CADM2: variants seen among roughly 807,000 people sequenced by gnomAD.
The protein encoded by CADM2 is cell adhesion molecule 2.
CADM2 carries 12 observed loss-of-function variants against 49.8 expected under a neutral mutation model. The observed-to-expected ratio is 0.24, with a 90% CI of 0.15 to 0.39. CADM2 has a LOEUF of 0.39. CADM2 is among the 10% of genes least tolerant of loss of function. The probability of loss-of-function intolerance (pLI) is 1.00; values close to 1 mark genes in which losing one functional copy is unlikely to be tolerated. For synonymous variants in CADM2, 214 were observed against 175.4 expected, an observed-to-expected ratio of 1.22 and a Z score of -1.74; for missense variants, 378 against 492.3, an observed-to-expected ratio of 0.77 and a Z score of 2.20.
At chr3:85,934,360 C>T (rs1484625596) in intron 6 of CADM2, among the ~76,000 whole-genome samples, 1 of 151,866 alleles carries the variant, frequency 6.6e-6, no homozygotes, top group Non-Finnish European at 1.5e-5. Context: ...ATAACTGATT[C>T]CATAGATGTG....
At chr3:85,187,415 C>T (rs886107751) in intron 1 of CADM2, among the ~76,000 whole-genome samples, 2 of 151,928 alleles carry the variant, frequency 1.3e-5, no homozygotes, top group East Asian at 3.8e-4. Flanking sequence ...ATAATATCAA[C>T]TCAGATACAA....
At chr3:85,446,588 GT>G (rs1205413346) in intron 1 of CADM2, among the ~76,000 whole-genome samples, 3 of 136,556 alleles carry the variant, frequency 2.2e-5, no homozygotes, top group African/African-American at 2.5e-5. Context: ...GTGTGTGTGA[GT>G]TTTTTTTGTT....
At chr3:85,791,756 C>G (rs1210770732) in intron 2 of CADM2, among the ~76,000 whole-genome samples, 1 of 152,054 alleles carries the variant, frequency 6.6e-6, no homozygotes, top group Non-Finnish European at 1.5e-5. Context: ...CAGACTCTCA[C>G]TTTGTCACCC....
intron 1 of CADM2, among the ~76,000 whole-genome samples, chr3:85,159,584 G>A (rs1434007321): frequency 6.6e-6 from 1 of 152,166 alleles, no homozygotes; most frequent in African/African-American, 2.4e-5. Context: ...TATCTGTAGA[G>A]CAGTTAAGGA....
In CADM2 at chr3:86,068,781, C is replaced by T. The variant is rs991451926; in HGVS notation, c.*1998C>T. ...GAGTGTTAACATAATAAATCATATA[C>T]AGTATGACATTTTAAGGAAATAAGT... is the stretch of plus-strand genomic sequence containing the variant. On this transcript the variant is annotated 3_prime_UTR_variant, in exon 10 of 10. Transcript: ENST00000383699. 1 of 152,138 alleles carries T rather than the reference C, an allele frequency of 6.6e-6. No homozygotes were observed. The highest frequency in any genetic ancestry group is 2.4e-5 in the African/African-American group (1 of 41,368). The allele number at this position is 152,138 out of a possible 1,614,324, so 9.4% of individuals were successfully genotyped here.
intron 3 of CADM2, among the ~76,000 whole-genome samples, chr3:85,859,847 G>T (rs1385101389): frequency 1.3e-5 from 2 of 152,048 alleles, no homozygotes; most frequent in African/African-American, 4.8e-5. Context: ...AATTTTGGTT[G>T]GAATTTTGAC....
At chr3:85,728,625 C>T (rs1354783984) in intron 2 of CADM2, among the ~76,000 whole-genome samples, 1 of 151,874 alleles carries the variant, frequency 6.6e-6, no homozygotes. Context: ...TTTCTCCTGG[C>T]CCAGAAAAAG....
At chr3:85,162,816 T>A (rs2040366375) in intron 1 of CADM2, among the ~76,000 whole-genome samples, 1 of 152,016 alleles carries the variant, frequency 6.6e-6, no homozygotes, top group South Asian at 2.1e-4. Flanking sequence ...TTTATTCTTA[T>A]ATAAACCCTA....
At chr3:85,612,081 A>G (rs879466534) in intron 1 of CADM2, among the ~76,000 whole-genome samples, 14 of 151,918 alleles carry the variant, frequency 9.2e-5, no homozygotes, top group Non-Finnish European at 1.9e-4. Flanking sequence ...AAGTATAGCA[A>G]TGAAATTAAG....
intron 1 of CADM2, among the ~76,000 whole-genome samples, chr3:85,026,240 A>C (rs2034721557): frequency 6.6e-6 from 1 of 152,172 alleles, no homozygotes; most frequent in African/African-American, 2.4e-5. Flanking sequence ...TTTTGCACTA[A>C]TTTCCATTGT....
At chr3:85,402,428 T>C (rs2035159614) in intron 1 of CADM2, among the ~76,000 whole-genome samples, 1 of 152,142 alleles carries the variant, frequency 6.6e-6, no homozygotes, top group African/African-American at 2.4e-5. Flanking sequence ...TATTTATTAG[T>C]TACATCCTGT....
intron 1 of CADM2, among the ~76,000 whole-genome samples, chr3:85,253,834 A>G (rs1471457130): frequency 6.6e-6 from 1 of 152,120 alleles, no homozygotes; most frequent in Non-Finnish European, 1.5e-5. Flanking sequence ...AATTTAATAA[A>G]GACTTGCTAA....
At chr3:84,997,763 C>T (rs1180857067) in intron 1 of CADM2, among the ~76,000 whole-genome samples, 1 of 152,058 alleles carries the variant, frequency 6.6e-6, no homozygotes, top group Non-Finnish European at 1.5e-5. Flanking sequence ...CAAAAACCCA[C>T]ATGGTTATCC....
chr3:85,668,576 G>A (rs980949860), intron 1 of CADM2, among the ~76,000 whole-genome samples: 1 of 151,970 alleles, frequency 6.6e-6, no homozygotes, highest in African/African-American at 2.4e-5. Context: ...ATAAGTCTCA[G>A]GAGATCTGAT....
chr3:86,034,131 A>G (rs897543963), intron 8 of CADM2, among the ~76,000 whole-genome samples: 1 of 151,916 alleles, frequency 6.6e-6, no homozygotes, highest in Non-Finnish European at 1.5e-5. Flanking sequence ...TATCTGCCCC[A>G]GCCCCTTCTG....
At chr3:85,147,351 A>T (rs1277645752) in intron 1 of CADM2, among the ~76,000 whole-genome samples, 1 of 148,840 alleles carries the variant, frequency 6.7e-6, no homozygotes, top group East Asian at 2.0e-4. Context: ...GGATGACCAG[A>T]TTGTTTAGGC....
At chr3:85,812,281 A>G (rs2072927549) in intron 3 of CADM2, among the ~76,000 whole-genome samples, 1 of 152,114 alleles carries the variant, frequency 6.6e-6, no homozygotes, top group South Asian at 2.1e-4. Flanking sequence ...TCATGAGTCT[A>G]GAAAAAAAAT....
intron 1 of CADM2, among the ~76,000 whole-genome samples, chr3:85,573,016 A>G (rs905643601): frequency 6.6e-6 from 1 of 152,162 alleles, no homozygotes; most frequent in South Asian, 2.1e-4. Context: ...TATACATAAG[A>G]TGCAGTCCAT....
At chr3:85,762,261 A>C (rs1239204930) in intron 2 of CADM2, among the ~76,000 whole-genome samples, 1 of 150,962 alleles carries the variant, frequency 6.6e-6, no homozygotes, top group African/African-American at 2.4e-5. Context: ...CCCCCTTGAG[A>C]CTCTTTGCCG....
Sources: gnomAD v4.1 joint callset for allele counts (sites outside exome capture counted in the v4.1 genomes callset) on GRCh38, gnomAD v4.1.1 for gene constraint, MANE v1.5 for transcripts, NCBI Gene and HGNC (gene_info 2026-07-23, HGNC 2026-07-21) for gene names.